Variants in DEK observed in about 807,000 individuals in gnomAD.
DEK encodes the protein DEK proto-oncogene, also known as protein DEK.
In DEK, 28 loss-of-function variants were observed where a neutral mutation model predicts 46.8. That is an observed-to-expected ratio of 0.60 (90% CI 0.44 to 0.82). The LOEUF is 0.82. Among genes scored for constraint, DEK ranks in the 40% least tolerant of loss-of-function variants. DEK has a pLI of 0.00. For missense variants in DEK, 416 were observed against 430.6 expected (o/e 0.97, Z 0.30); for synonymous variants, 160 against 144.5 (o/e 1.11, Z -0.77).
intron 2 of DEK, among the ~76,000 whole-genome samples, chr6:18,263,456 G>C (rs1162277674): frequency 6.6e-6 from 1 of 152,028 alleles, no homozygotes; most frequent in African/African-American, 2.4e-5. Context: ...GGCAAAAGAT[G>C]TGTAATGAAA....
intron 7 of DEK, among the ~76,000 whole-genome samples, chr6:18,248,908 C>T (rs1156692641): frequency 6.6e-6 from 1 of 152,124 alleles, no homozygotes; most frequent in Non-Finnish European, 1.5e-5. Context: ...AGGTTGATTA[C>T]CCAATCTATA....
chr6:18,226,187 G>C lies in DEK; in HGVS notation c.1103C>G (p.Thr368Arg). ...TGAAATATTTACCTCTTTTACAGTT[G>C]TTTTTATGAAATCTTTTCTTTCAGT... ...DLTERKDFIK[T>R]TVKELIS Residue 368 changes from threonine (T) to arginine (R), a missense_variant, in exon 10 of 11, where the codon ACA (threonine) becomes AGA (arginine). Coordinates refer to ENST00000652689, the MANE Select transcript of DEK (RefSeq NM_003472.4). 1 of 1,328,902 alleles carries C rather than the reference G, an allele frequency of 7.5e-7. No individual in the cohort carries two copies. Among genetic ancestry groups the C allele is most frequent in the Non-Finnish European group, 1.0e-6 (1 of 997,170 alleles). 82.3% of individuals were successfully genotyped at this position (1,328,902 alleles called of 1,614,324 possible).
intron 7 of DEK, among the ~76,000 whole-genome samples, chr6:18,242,356 T>C (rs1484441876): frequency 6.6e-6 from 1 of 151,618 alleles, no homozygotes; most frequent in Admixed American, 6.6e-5. Context: ...AGCAAGACTC[T>C]GTCTCAAAAA....
intron 9 of DEK, among the ~76,000 whole-genome samples, chr6:18,235,892 CT>C (rs1196135673): frequency 1.3e-5 from 2 of 152,202 alleles, no homozygotes; most frequent in African/African-American, 4.8e-5. Flanking sequence ...AAAGCACAGA[CT>C]ATTTCACTTT....
rs1790033311 is a variant in DEK at position 18,224,723 on chromosome 6, T to C, written c.*996A>G. The C allele has an allele frequency of 9.3e-6, 2 of 214,962 alleles. No homozygotes were observed. Among genetic ancestry groups the C allele is most frequent in the Admixed American group, 5.8e-5 (1 of 17,120 alleles). The allele number at this position is 214,962 out of a possible 1,614,324, so 13.3% of individuals were successfully genotyped here. On this transcript the variant is annotated 3_prime_UTR_variant, in exon 11 of 11. Coordinates refer to ENST00000652689, the MANE Select transcript of DEK (RefSeq NM_003472.4). Reference sequence around the variant, plus strand: ...CTTTAGTCATAATCGTGAAGCTGGCTAGGTTTCCAGTAAATATCAGCATTT... The same window carrying C: ...CTTTAGTCATAATCGTGAAGCTGGCCAGGTTTCCAGTAAATATCAGCATTT...
intron 5 of DEK, among the ~76,000 whole-genome samples, chr6:18,256,145 A>G (rs1457750789): frequency 1.3e-5 from 2 of 151,836 alleles, no homozygotes; most frequent in African/African-American, 4.8e-5. Context: ...GCGCCACCAC[A>G]GCCGGCTAAT....
At position 18,249,711 on chromosome 6, in the gene DEK, TTCA is replaced by T; in HGVS notation, c.699_701del (p.Asp233del). 6.2e-7 allele frequency: 1 copy of T among 1,610,004 alleles called. No homozygotes were observed. The highest frequency in any genetic ancestry group is 8.5e-7 in the Non-Finnish European group (1 of 1,178,856). On this transcript the variant is annotated inframe_deletion, in exon 7 of 11. Coordinates refer to ENST00000652689, the MANE Select transcript of DEK (RefSeq NM_003472.4). Reference sequence around the variant, plus strand: ...ACTCTTCCTTGTTTTTCTTTTCATCTTCATCACTACTAGATTCATCTGACAGAA... The same window carrying T: ...ACTCTTCCTTGTTTTTCTTTTCATCTTCACTACTAGATTCATCTGACAGAA...
chr6:18,244,651 T>A, intron 7 of DEK: 1 of 975,496 alleles, frequency 1.0e-6, no homozygotes, highest in Non-Finnish European at 1.4e-6. Context: ...AATACACTAT[T>A]CTTTCAACAA....
intron 10 of DEK, 111 bp downstream of exon 10, chr6:18,226,063 G>T (rs563518979): frequency 4.3e-6 from 4 of 937,492 alleles, no homozygotes; most frequent in Non-Finnish European, 4.4e-6. Flanking sequence ...GAAATGTGAG[G>T]ATCAAATGTG....
At chr6:18,235,454 C>A (rs529234486) in intron 9 of DEK, among the ~76,000 whole-genome samples, 3 of 152,296 alleles carry the variant, frequency 2.0e-5, no homozygotes, top group East Asian at 3.9e-4. Context: ...GTTAAGAGCT[C>A]TTCCAAGATG....
rs759205703 is a variant in DEK, at chr6:18,263,964, C to T, written c.24G>A (p.Ala8=). 4.3e-6 allele frequency: 7 copies of T among 1,612,324 alleles called. No homozygotes were observed. In the East Asian group the frequency reaches 1.1e-4, roughly 26 times the overall value. The change falls in exon 2 of 11, where the codon GCG becomes GCA. Residue 8 remains alanine (A), a synonymous_variant. Transcript: ENST00000652689. ...GCTGGGTGGGGGTTCCCTCCCCCTC[C>T]GCAGCAGGGGCCGAGGCGGACATGC... MSASAPA[A]EGEGTPTQPA... is the part of the protein sequence containing the mutation.
intron 10 of DEK, 115 bp from the exon 11 acceptor site, chr6:18,225,845 A>C (rs1284779712): frequency 8.1e-7 from 1 of 1,231,202 alleles, no homozygotes; most frequent in Admixed American, 1.9e-5. Flanking sequence ...ATACAGAATT[A>C]CAGCTACCTG....
At chr6:18,231,507 G>A (rs953014478) in intron 9 of DEK, among the ~76,000 whole-genome samples, 3 of 152,018 alleles carry the variant, frequency 2.0e-5, no homozygotes, top group African/African-American at 7.3e-5. Context: ...GAATCAAACA[G>A]ACGAAATAAA....
chr6:18,259,430 A>AAAAAAAAAAAAAAAAAT (rs1554162685), intron 2 of DEK, among the ~76,000 whole-genome samples: 2 of 96,742 alleles, frequency 2.1e-5, no homozygotes, highest in Non-Finnish European at 2.4e-5. Flanking sequence ...AAAAAAAAAA[A>AAAAAAAAAAAAAAAAAT]AAATCTAGAA....
chr6:18,247,938 C>A (rs950152477), intron 7 of DEK, among the ~76,000 whole-genome samples: 3 of 152,318 alleles, frequency 2.0e-5, no homozygotes, highest in East Asian at 3.9e-4. Flanking sequence ...TCCCAAAGTG[C>A]TGGGATTACA....
intron 9 of DEK, among the ~76,000 whole-genome samples, chr6:18,232,248 C>G (rs1264655243): frequency 6.6e-6 from 1 of 152,202 alleles, no homozygotes; most frequent in Non-Finnish European, 1.5e-5. Flanking sequence ...GACAAACCCA[C>G]AGTCATCATA....
In DEK at chr6:18,225,476, C is replaced by A; in HGVS notation, c.*243G>T. On this transcript the variant is annotated 3_prime_UTR_variant, in exon 11 of 11. Coordinates refer to ENST00000652689, the MANE Select transcript of DEK (RefSeq NM_003472.4). ...AAAGAAATCCAAAATGTACAAAATA[C>A]AACTATAAAAGCAAGGAACAATTAA... The A allele has an allele frequency of 4.5e-6, 2 of 439,692 alleles. No homozygotes were observed. The highest frequency in any genetic ancestry group is 4.1e-5 in the Admixed American group (1 of 24,208). 27.2% of individuals were successfully genotyped at this position (439,692 alleles called of 1,614,324 possible).
At chr6:18,230,320 C>T (rs1790354895) in intron 9 of DEK, among the ~76,000 whole-genome samples, 2 of 152,286 alleles carry the variant, frequency 1.3e-5, no homozygotes, top group South Asian at 4.1e-4. Context: ...ACTGCATCAA[C>T]TAACGAGCAA....
chr6:18,252,970 T>C (rs945756382), intron 6 of DEK, among the ~76,000 whole-genome samples: 3 of 152,232 alleles, frequency 2.0e-5, no homozygotes, highest in Non-Finnish European at 4.4e-5. Flanking sequence ...GTCTTTCTAA[T>C]ATCTGTGACA....
Sources: allele counts gnomAD v4.1 joint callset (sites outside exome capture counted in the v4.1 genomes callset), GRCh38; gene constraint gnomAD v4.1.1; transcripts MANE v1.5; gene names NCBI Gene and HGNC (gene_info 2026-07-23, HGNC 2026-07-21).